The following DNAH5 variants were observed in gnomAD, a reference collection of about 807,000 sequenced individuals.
DNAH5 encodes dynein axonemal heavy chain 5.
A neutral mutation model predicts 518.2 loss-of-function variants in DNAH5; 372 were observed. The observed-to-expected ratio is 0.72, with a 90% CI of 0.66 to 0.78. The LOEUF (loss-of-function observed/expected upper bound fraction) is 0.78. Among genes scored for constraint, DNAH5 ranks in the 30% least tolerant of loss-of-function variants. The pLI, the probability that DNAH5 is intolerant of heterozygous loss-of-function variation, is 0.00. For synonymous variants in DNAH5, 2,039 were observed against 2,025.9 expected, an observed-to-expected ratio of 1.01 and a Z score of -0.17; for missense variants, 5,523 against 5,687.0, an observed-to-expected ratio of 0.97 and a Z score of 0.93.
At chr5:13,803,703 G>T (rs1430857948) in intron 47 of DNAH5, among the ~76,000 whole-genome samples, 1 of 152,170 alleles carries the variant, frequency 6.6e-6, no homozygotes, top group Non-Finnish European at 1.5e-5. Context: ...GTGCTCTGAG[G>T]AGCCAAAAGG....
chr5:13,818,861 T>A (rs1761842970), intron 41 of DNAH5, among the ~76,000 whole-genome samples: 1 of 152,222 alleles, frequency 6.6e-6, no homozygotes. Context: ...AGTTAAATTA[T>A]CTTCTCAACC....
At chr5:14,005,819 C>A (rs928075651) in intron 1 of DNAH5, among the ~76,000 whole-genome samples, 2 of 152,212 alleles carry the variant, frequency 1.3e-5, no homozygotes, top group Non-Finnish European at 2.9e-5. Context: ...GAGAATGAGT[C>A]TGGAGGGGAA....
At chr5:13,755,111 C>T (rs868825458) in intron 61 of DNAH5, among the ~76,000 whole-genome samples, 14 of 152,014 alleles carry the variant, frequency 9.2e-5, no homozygotes, top group South Asian at 2.1e-4. Context: ...CACTCAAATC[C>T]GCTCAAAAAA....
At chr5:13,745,610 A>C (rs1502045) in intron 65 of DNAH5, among the ~76,000 whole-genome samples, 55,080 of 151,814 alleles carry the variant, frequency 0.36, 10,348 homozygotes, top group South Asian at 0.5. Flanking sequence ...TTGGAGTCAA[A>C]GATTTGTCTT....
At chr5:13,999,363 C>G (rs1444819105) in intron 1 of DNAH5, among the ~76,000 whole-genome samples, 2 of 152,210 alleles carry the variant, frequency 1.3e-5, no homozygotes, top group Non-Finnish European at 2.9e-5. Context: ...TCCCCACTTT[C>G]TGCTCCCCCA....
intron 17 of DNAH5, among the ~76,000 whole-genome samples, chr5:13,888,443 G>A (rs1219296992): frequency 1.3e-5 from 2 of 152,186 alleles, no homozygotes; most frequent in Admixed American, 6.5e-5. Context: ...TCTAACCGTA[G>A]AAGTCATCAG....
chr5:13,783,159 A>C lies in DNAH5; in HGVS notation c.8821-2200T>G, dbSNP rs144460860. ...ACACAAAGAAGGTGGTATGCCAGGC[A>C]TGAGCTGAGCTACCTTTAAAGAAGG... On this transcript the variant is annotated intron_variant, in intron 52 of 78. Transcript: ENST00000265104. Among the ~76,000 whole-genome samples, 1,389 of 152,334 alleles carry C rather than the reference A, an allele frequency of 9.1e-3. 21 individuals are homozygous for C. The highest frequency in any genetic ancestry group is 0.032 in the African/African-American group (1,336 of 41,576).
chr5:13,931,630 T>G (rs1473551742), intron 1 of DNAH5, among the ~76,000 whole-genome samples: 1 of 152,242 alleles, frequency 6.6e-6, no homozygotes, highest in African/African-American at 2.4e-5. Flanking sequence ...AGTAATATTT[T>G]TTCTACAGTA....
chr5:13,753,653 C>T (rs1750577959), intron 62 of DNAH5, 104 bp from the exon 63 acceptor site: 5 of 1,058,908 alleles, frequency 4.7e-6, no homozygotes, highest in Non-Finnish European at 6.7e-6. Context: ...TTCTTTTAAA[C>T]TAAATTCCAC....
rs1768073716 is a variant in DNAH5, at chr5:13,859,455, G to A, written c.4947C>T (p.Pro1649=). 6.2e-7 allele frequency: 1 copy of A among 1,613,816 alleles called. No homozygotes were observed. The highest frequency in any genetic ancestry group is 1.3e-5 in the African/African-American group (1 of 74,876). The change falls in exon 30 of 79, where the codon CCC becomes CCT. Residue 1649 remains proline, a synonymous_variant. Transcript: ENST00000265104. The stretch of plus-strand genomic sequence containing the variant: ...ATCATAAAGAAGATTACAAAACCTT[G>A]GGCAGCTGCTTGGCAATGTCTCCTC... ...FVGGDIAKQL[P]KEAKRFSNID...
chr5:13,997,635 G>A (rs1341435254), intron 1 of DNAH5, among the ~76,000 whole-genome samples: 1 of 151,988 alleles, frequency 6.6e-6, no homozygotes, highest in Non-Finnish European at 1.5e-5. Flanking sequence ...TTCCATTCAT[G>A]GCAATGCAGA....
chr5:13,914,285 G>A (rs1262383441), intron 10 of DNAH5, among the ~76,000 whole-genome samples: 1 of 151,988 alleles, frequency 6.6e-6, no homozygotes, highest in East Asian at 1.9e-4. Flanking sequence ...CATATTAGCT[G>A]TCTTTGTATC....
intron 26 of DNAH5, 66 bp from the exon 27 acceptor site, chr5:13,865,972 A>G (rs1769187098): frequency 2.5e-6 from 3 of 1,215,136 alleles, no homozygotes; most frequent in African/African-American, 1.5e-5. Flanking sequence ...AAATGAAAAT[A>G]TAAGATTTGC....
intron 11 of DNAH5, among the ~76,000 whole-genome samples, 171 bp downstream of exon 11, chr5:13,913,572 T>C (rs1776279712): frequency 6.6e-6 from 1 of 152,156 alleles, no homozygotes; most frequent in Non-Finnish European, 1.5e-5. Context: ...ATTAGCACCA[T>C]TACACAATTC....
intron 1 of DNAH5, among the ~76,000 whole-genome samples, chr5:13,974,042 A>C (rs1233189755): frequency 2.0e-5 from 3 of 152,014 alleles, no homozygotes; most frequent in Middle Eastern, 3.5e-3. Flanking sequence ...ATATGCACTT[A>C]GTTTGCTATG....
chr5:13,966,519 A>G (rs921556793), intron 1 of DNAH5, among the ~76,000 whole-genome samples: 3 of 152,180 alleles, frequency 2.0e-5, no homozygotes, highest in Admixed American at 1.3e-4. Flanking sequence ...CCTCCCCACC[A>G]ACATCTATTT....
At chr5:13,802,896 G>C (rs1007133918) in intron 47 of DNAH5, among the ~76,000 whole-genome samples, 79 of 152,164 alleles carry the variant, frequency 5.2e-4, no homozygotes, top group Admixed American at 3.3e-4. Flanking sequence ...CCAGAAATGA[G>C]AGTGTGTATA....
intron 53 of DNAH5, 144 bp downstream of exon 53, chr5:13,780,685 C>A: frequency 2.2e-6 from 2 of 929,566 alleles, no homozygotes; most frequent in South Asian, 1.4e-5. Flanking sequence ...CAAAGGTTGA[C>A]AGGGGAAGAT....
chr5:13,887,451 A>G (rs1202692235), intron 17 of DNAH5, among the ~76,000 whole-genome samples: 1 of 152,184 alleles, frequency 6.6e-6, no homozygotes, highest in East Asian at 1.9e-4. Context: ...GGACAAATAA[A>G]ATAAATGAAA....
Sources: allele counts gnomAD v4.1 joint callset (sites outside exome capture counted in the v4.1 genomes callset), GRCh38; gene constraint gnomAD v4.1.1; transcripts MANE v1.5; gene names NCBI Gene and HGNC (gene_info 2026-07-23, HGNC 2026-07-21).